Variants in B3GALT1 observed in about 807,000 individuals in gnomAD.
B3GALT1 encodes the protein UDP-Gal:betaGlcNAc beta 1,3-galactosyltransferase, polypeptide 1.
Under a neutral mutation model 23.2 loss-of-function variants are expected in B3GALT1, and 10 were observed. That is an observed-to-expected ratio of 0.43 (90% confidence interval 0.27 to 0.73). The LOEUF is 0.73. B3GALT1 is among the 30% of genes least tolerant of loss of function. The pLI, the probability that B3GALT1 is intolerant of heterozygous loss-of-function variation, is 0.21. For missense variants in B3GALT1, 299 were observed against 405.4 expected (o/e 0.74, Z 2.25); for synonymous variants, 156 against 141.5 (o/e 1.10, Z -0.73).
intron 1 of B3GALT1, among the ~76,000 whole-genome samples, chr2:167,371,749 T>C (rs1461806366): frequency 1.3e-5 from 2 of 151,906 alleles, no homozygotes; most frequent in Admixed American, 1.3e-4. Flanking sequence ...GGAAAGCAAA[T>C]TAATTGATCT....
chr2:167,702,814 G>A (rs902045065), intron 3 of B3GALT1, among the ~76,000 whole-genome samples: 3 of 152,140 alleles, frequency 2.0e-5, no homozygotes, highest in Non-Finnish European at 2.9e-5. Flanking sequence ...CCCCAGTCTT[G>A]TGCATAGTTT....
At chr2:167,867,551 A>G (rs1193268199) in intron 4 of B3GALT1, among the ~76,000 whole-genome samples, 2 of 152,204 alleles carry the variant, frequency 1.3e-5, no homozygotes, top group African/African-American at 4.8e-5. Context: ...ACAAGAAGAT[A>G]TATATTGTCT....
chr2:167,377,865 G>T, intron 1 of B3GALT1, among the ~76,000 whole-genome samples: 1 of 152,250 alleles, frequency 6.6e-6, no homozygotes, highest in South Asian at 2.1e-4. Context: ...CTATCATGAA[G>T]TTGTTAGTTG....
intron 2 of B3GALT1, among the ~76,000 whole-genome samples, chr2:167,563,873 ATCTG>A (rs1684082204): frequency 7.9e-6 from 1 of 126,088 alleles, no homozygotes; most frequent in East Asian, 2.6e-4. Flanking sequence ...GGCGCCCCTC[ATCTG>A]CCGGACGGGG....
At chr2:167,702,062 A>G (rs1686889190) in intron 3 of B3GALT1, among the ~76,000 whole-genome samples, 2 of 152,178 alleles carry the variant, frequency 1.3e-5, no homozygotes, top group Non-Finnish European at 1.5e-5. Context: ...TAACGTTAGG[A>G]TCTGTAATTC....
At chr2:167,642,539 C>T (rs1435083296) in intron 2 of B3GALT1, among the ~76,000 whole-genome samples, 2 of 152,178 alleles carry the variant, frequency 1.3e-5, no homozygotes, top group East Asian at 3.8e-4. Flanking sequence ...GCTCAAATGT[C>T]ACCCTATTAG....
chr2:167,550,453 C>A (rs566214397), intron 2 of B3GALT1, among the ~76,000 whole-genome samples: 1 of 152,282 alleles, frequency 6.6e-6, no homozygotes, highest in South Asian at 2.1e-4. Context: ...TATCTCAAAC[C>A]CCAAGCCCAA....
At chr2:167,813,113 T>G (rs1325405842) in intron 3 of B3GALT1, among the ~76,000 whole-genome samples, 16 of 151,230 alleles carry the variant, frequency 1.1e-4, no homozygotes, top group Non-Finnish European at 1.5e-5. Context: ...CCCTAGCCCC[T>G]AGTAGAATAT....
intron 1 of B3GALT1, among the ~76,000 whole-genome samples, chr2:167,452,862 G>A (rs550277457): frequency 6.6e-6 from 1 of 152,036 alleles, no homozygotes; most frequent in Non-Finnish European, 1.5e-5. Flanking sequence ...CTTAACCCTG[G>A]GTGCCATGAG....
intron 3 of B3GALT1, among the ~76,000 whole-genome samples, chr2:167,735,491 G>A (rs1687478465): frequency 6.6e-6 from 1 of 152,200 alleles, no homozygotes; most frequent in African/African-American, 2.4e-5. Context: ...TGCTGTCTTA[G>A]CAGGAACTGC....
At chr2:167,685,467 C>T (rs1290410313) in intron 3 of B3GALT1, among the ~76,000 whole-genome samples, 3 of 152,132 alleles carry the variant, frequency 2.0e-5, no homozygotes, top group Non-Finnish European at 2.9e-5. Context: ...TTGTTTTCAG[C>T]GCTTCTGAGA....
chr2:167,654,868 T>A (rs1238922389), intron 3 of B3GALT1, among the ~76,000 whole-genome samples: 1 of 151,930 alleles, frequency 6.6e-6, no homozygotes, highest in Admixed American at 6.6e-5. Flanking sequence ...AATATGACCT[T>A]TTATAGTCCC....
chr2:167,654,515 T>C (rs2105466948), intron 3 of B3GALT1, among the ~76,000 whole-genome samples: 1 of 152,274 alleles, frequency 6.6e-6, no homozygotes, highest in Non-Finnish European at 1.5e-5. Flanking sequence ...CTTTCTTTTT[T>C]TTGAGACAGG....
At chr2:167,351,817 A>C (rs965590767) in intron 1 of B3GALT1, among the ~76,000 whole-genome samples, 3 of 152,186 alleles carry the variant, frequency 2.0e-5, no homozygotes, top group African/African-American at 7.2e-5. Context: ...CAAGGATACA[A>C]AGACACACAT....
intron 2 of B3GALT1, among the ~76,000 whole-genome samples, chr2:167,528,338 T>G (rs1301717336): frequency 6.6e-6 from 1 of 152,222 alleles, no homozygotes; most frequent in Non-Finnish European, 1.5e-5. Flanking sequence ...CTTTGGCCTC[T>G]GAATATCTGG....
chr2:167,786,840 G>A (rs1688351208), intron 3 of B3GALT1, among the ~76,000 whole-genome samples: 1 of 152,186 alleles, frequency 6.6e-6, no homozygotes, highest in South Asian at 2.1e-4. Flanking sequence ...TGACGAGCTT[G>A]GCACACTCCA....
chr2:167,856,411 G>T (rs1690000857), intron 4 of B3GALT1, among the ~76,000 whole-genome samples: 1 of 152,158 alleles, frequency 6.6e-6, no homozygotes, highest in Admixed American at 6.5e-5. Flanking sequence ...TATTTGGAGA[G>T]TCAATAGCAG....
intron 2 of B3GALT1, among the ~76,000 whole-genome samples, chr2:167,515,513 A>G (rs1431905): frequency 0.046 from 7,028 of 152,182 alleles, 529 homozygotes; most frequent in African/African-American, 0.16. Flanking sequence ...ATAGGGAAGC[A>G]TAAAGCAAAA....
At chr2:167,584,072 C>T (rs1196805676) in intron 2 of B3GALT1, among the ~76,000 whole-genome samples, 1 of 152,062 alleles carries the variant, frequency 6.6e-6, no homozygotes, top group East Asian at 1.9e-4. Flanking sequence ...GAACTAAGAT[C>T]CCATAGAGAA....
Sources: allele counts gnomAD v4.1 joint callset (sites outside exome capture counted in the v4.1 genomes callset), GRCh38; gene constraint gnomAD v4.1.1; transcripts MANE v1.5; gene names NCBI Gene and HGNC (gene_info 2026-07-23, HGNC 2026-07-21).